Variants in RBFOX1 observed in about 807,000 individuals in gnomAD.
The protein encoded by RBFOX1 is RNA binding fox-1 homolog 1.
In RBFOX1, 8 loss-of-function variants were observed where a neutral mutation model predicts 57.7. The ratio of observed to expected loss-of-function variants is 0.14; its 90% CI spans 0.08 to 0.25. The LOEUF is 0.25. RBFOX1 is among the 10% of genes least tolerant of loss of function. RBFOX1 has a pLI of 1.00. For synonymous variants in RBFOX1, 326 were observed against 222.4 expected (o/e 1.47, Z -4.15); for missense variants, 611 against 548.5 (o/e 1.11, Z -1.14).
intron 3 of RBFOX1, among the ~76,000 whole-genome samples, chr16:6,739,295 C>G (rs2071347994): frequency 1.3e-5 from 2 of 151,418 alleles, no homozygotes; most frequent in Non-Finnish European, 2.9e-5. Flanking sequence ...GAGAATATTA[C>G]TATAGACCCT....
intron 4 of RBFOX1, among the ~76,000 whole-genome samples, chr16:7,223,259 G>A (rs2092862698): frequency 6.6e-6 from 1 of 152,202 alleles, no homozygotes; most frequent in South Asian, 2.1e-4. Flanking sequence ...CTCTAGGGGA[G>A]TCTGCATAGG....
At chr16:5,284,175 G>T (rs1363832163) in intron 1 of RBFOX1, among the ~76,000 whole-genome samples, 1 of 152,188 alleles carries the variant, frequency 6.6e-6, no homozygotes, top group Non-Finnish European at 1.5e-5. Flanking sequence ...CTTCCACCAT[G>T]ATTTTGAGGC....
chr16:6,666,371 C>G (rs62017893), intron 3 of RBFOX1, among the ~76,000 whole-genome samples: 9,746 of 152,014 alleles, frequency 0.064, 353 homozygotes, highest in African/African-American at 0.077. Flanking sequence ...CTTGTCTCTA[C>G]CACAAGTACA....
intron 3 of RBFOX1, among the ~76,000 whole-genome samples, chr16:6,696,218 G>C (rs1248278581): frequency 6.6e-6 from 1 of 152,106 alleles, no homozygotes; most frequent in African/African-American, 2.4e-5. Context: ...TGCTTAAATT[G>C]AGGTATACAA....
intron 2 of RBFOX1, chr16:5,467,393 C>A (rs73528609): frequency 6.5e-6 from 5 of 767,268 alleles, no homozygotes; most frequent in Non-Finnish European, 1.0e-5. Context: ...ACAGTTCATC[C>A]CTTAGCAAGA....
chr16:7,448,654 G>A (rs1598661110), intron 4 of RBFOX1, among the ~76,000 whole-genome samples: 1 of 152,124 alleles, frequency 6.6e-6, no homozygotes, highest in African/African-American at 2.4e-5. Context: ...TGTAGCAAAG[G>A]ATTTGTTCTT....
intron 4 of RBFOX1, among the ~76,000 whole-genome samples, chr16:7,415,035 C>T (rs529556699): frequency 6.6e-6 from 1 of 152,332 alleles, no homozygotes; most frequent in African/African-American, 2.4e-5. Context: ...AAAGATGGCT[C>T]TTTCTATACT....
chr16:7,660,009 C>G (rs1285897146), intron 12 of RBFOX1, among the ~76,000 whole-genome samples: 1 of 152,108 alleles, frequency 6.6e-6, no homozygotes, highest in Non-Finnish European at 1.5e-5. Flanking sequence ...TATTTGAACA[C>G]CTTAAAAAGT....
chr16:5,579,699 GACTTTTCCTTTCATGAC>G (rs1192142348), intron 2 of RBFOX1, among the ~76,000 whole-genome samples: 1 of 151,908 alleles, frequency 6.6e-6, no homozygotes, highest in East Asian at 1.9e-4. Context: ...AAGCTCGCTT[GACTTTTCCTTTCATGAC>G]ACTTATCACA....
chr16:5,544,198 A>T (rs1176785533), intron 2 of RBFOX1, among the ~76,000 whole-genome samples: 1 of 152,190 alleles, frequency 6.6e-6, no homozygotes, highest in Non-Finnish European at 1.5e-5. Context: ...AGTCTCAATA[A>T]TTTCAGAAGG....
intron 1 of RBFOX1, among the ~76,000 whole-genome samples, chr16:5,437,811 T>A (rs2067962627): frequency 6.6e-6 from 1 of 152,234 alleles, no homozygotes; most frequent in South Asian, 2.1e-4. Flanking sequence ...TCTTCTTTAA[T>A]GAGCATGGTC....
chr16:6,805,354 C>G (rs1400767373), intron 3 of RBFOX1, among the ~76,000 whole-genome samples: 2 of 152,068 alleles, frequency 1.3e-5, no homozygotes, highest in African/African-American at 2.4e-5. Context: ...CACATGGACA[C>G]ACAGAGGGGA....
Position 6,110,341 on chromosome 16 carries a change from G to T in RBFOX1, c.-127+90349G>T, listed in dbSNP as rs149223294. Reference sequence around the variant, plus strand: ...TCTCTGGAAATTGATGATTGCTAGAGAATAGCACAGAATTCTAGGTAGGCA... The same window carrying T: ...TCTCTGGAAATTGATGATTGCTAGATAATAGCACAGAATTCTAGGTAGGCA... On this transcript the variant is annotated intron_variant, in intron 1 of 15. Transcript: ENST00000550418. Among the ~76,000 whole-genome samples, 254 of 151,976 alleles carry T rather than the reference G, an allele frequency of 1.7e-3. 2 individuals carry two copies. Among genetic ancestry groups the T allele is most frequent in the African/African-American group, 6.0e-3 (249 of 41,480 alleles).
chr16:7,374,670 C>G (rs1430599197), intron 4 of RBFOX1, among the ~76,000 whole-genome samples: 1 of 152,036 alleles, frequency 6.6e-6, no homozygotes, highest in Non-Finnish European at 1.5e-5. Flanking sequence ...TGACAGAAAT[C>G]TTCTAGAAAT....
chr16:7,654,738 G>T (rs1001755621), intron 12 of RBFOX1, among the ~76,000 whole-genome samples: 2 of 152,152 alleles, frequency 1.3e-5, no homozygotes, highest in Non-Finnish European at 2.9e-5. Flanking sequence ...CACCTCTGCA[G>T]CCAGGGAGAA....
In RBFOX1 at chr16:6,135,537, TG is replaced by T. The variant is rs201281664; in HGVS notation, c.-127+115551del. On this transcript the variant is annotated intron_variant, in intron 1 of 15. Coordinates refer to ENST00000550418, the MANE Select transcript of RBFOX1 (RefSeq NM_018723.4). ...GATTCAACAGGGTCAGGTGTGAATATGGGGGGTATTCATTGGATATTTGAAT... is the reference window on the plus strand; with the variant it reads ...GATTCAACAGGGTCAGGTGTGAATATGGGGGTATTCATTGGATATTTGAAT... 1.8e-3 allele frequency among the ~76,000 whole-genome samples: 268 copies of T among 152,180 alleles called. 1 individual carries two copies. The highest frequency in any genetic ancestry group is 5.8e-3 in the African/African-American group (240 of 41,542).
intron 4 of RBFOX1, among the ~76,000 whole-genome samples, chr16:7,499,844 G>A (rs949384375): frequency 6.6e-6 from 1 of 151,148 alleles, no homozygotes; most frequent in Non-Finnish European, 1.5e-5. Flanking sequence ...ATCCTAAGTT[G>A]CACACAATTA....
At chr16:5,485,537 C>A (rs2069703534) in intron 2 of RBFOX1, among the ~76,000 whole-genome samples, 1 of 151,942 alleles carries the variant, frequency 6.6e-6, no homozygotes. Flanking sequence ...ATACTAAATG[C>A]CAAGTACCAC....
rs370138269 is a variant in RBFOX1, at chr16:5,801,827, A to G, written c.319-65476A>G. On this transcript the variant is annotated intron_variant, in intron 3 of 19. Transcript: ENST00000641259. ...CCGGGTGCCAAAATTATCGCCTAGC[A>G]TCATTAAAAATCAGAATGTTCAGTT... is the stretch of plus-strand genomic sequence containing the variant. Among the ~76,000 whole-genome samples, 13 of 152,322 alleles carry G rather than the reference A, an allele frequency of 8.5e-5. 1 individual carries two copies. The East Asian group carries it at 9.6e-4, about 11-fold the overall frequency.
Sources: gnomAD v4.1 joint callset for allele counts (sites outside exome capture counted in the v4.1 genomes callset) on GRCh38, gnomAD v4.1.1 for gene constraint, MANE v1.5 for transcripts, NCBI Gene and HGNC (gene_info 2026-07-23, HGNC 2026-07-21) for gene names.